The following GPR39 variants were observed in gnomAD, a reference collection of about 807,000 sequenced individuals.
GPR39 encodes the protein zinc sensing receptor.
GPR39 carries 23 observed loss-of-function variants against 18.4 expected under a neutral mutation model. The observed-to-expected ratio is 1.25, with a 90% confidence interval of 0.90 to 1.77. The LOEUF (loss-of-function observed/expected upper bound fraction) is 1.77. Ranked by LOEUF, GPR39 falls within the 40% of genes most tolerant of loss-of-function variation. GPR39 has a pLI of 0.00. For missense variants in GPR39, 647 were observed against 602.4 expected, an observed-to-expected ratio of 1.07 and a Z score of -0.78; for synonymous variants, 280 against 257.9, an observed-to-expected ratio of 1.09 and a Z score of -0.82.
chr2:132,546,187 G>C (rs1679945494), intron 1 of GPR39, among the ~76,000 whole-genome samples: 1 of 152,144 alleles, frequency 6.6e-6, no homozygotes, highest in African/African-American at 2.4e-5. Flanking sequence ...GTGTGCCTCA[G>C]AATCACTCCC....
At chr2:132,442,696 C>T (rs1342250370) in intron 1 of GPR39, among the ~76,000 whole-genome samples, 3 of 152,260 alleles carry the variant, frequency 2.0e-5, no homozygotes, top group South Asian at 4.1e-4. Flanking sequence ...CACATATCAG[C>T]GATGCAATAG....
intron 1 of GPR39, among the ~76,000 whole-genome samples, chr2:132,443,990 G>A (rs1052553018): frequency 3.3e-5 from 5 of 152,186 alleles, no homozygotes; most frequent in African/African-American, 2.4e-5. Context: ...TGGGAGGATC[G>A]CTTGAGCCTG....
chr2:132,420,083 T>G (rs4521103), intron 1 of GPR39, among the ~76,000 whole-genome samples: 30,678 of 152,034 alleles, frequency 0.2, 3,173 homozygotes, highest in Admixed American at 0.23. Flanking sequence ...AGTTTGTTCT[T>G]GCTGCTGCTC....
chr2:132,497,559 GT>G (rs2104801016), intron 1 of GPR39, among the ~76,000 whole-genome samples: 1 of 152,258 alleles, frequency 6.6e-6, no homozygotes, highest in African/African-American at 2.4e-5. Context: ...CATGCAAACA[GT>G]AAAAAGGTGA....
chr2:132,480,487 AAG>A (rs1384930378), intron 1 of GPR39, among the ~76,000 whole-genome samples: 1 of 152,190 alleles, frequency 6.6e-6, no homozygotes, highest in Non-Finnish European at 1.5e-5. Context: ...TTGGGGTTGA[AAG>A]AGAGAGAAAG....
At chr2:132,513,637 G>A (rs1160733660) in intron 1 of GPR39, among the ~76,000 whole-genome samples, 1 of 152,224 alleles carries the variant, frequency 6.6e-6, no homozygotes, top group African/African-American at 2.4e-5. Flanking sequence ...CTCCCTGGAT[G>A]GTTGGGAAAC....
chr2:132,552,379 T>G (rs915690167), intron 1 of GPR39, among the ~76,000 whole-genome samples: 1 of 152,098 alleles, frequency 6.6e-6, no homozygotes, highest in Non-Finnish European at 1.5e-5. Flanking sequence ...CCCAACTCTC[T>G]TGCTCTCACT....
chr2:132,437,419 T>C (rs751814526), intron 1 of GPR39, among the ~76,000 whole-genome samples: 1 of 152,144 alleles, frequency 6.6e-6, no homozygotes, highest in Non-Finnish European at 1.5e-5. Context: ...AGAAGAGACA[T>C]GCAGGGAGTG....
At position 132,535,682 on chromosome 2, in the gene GPR39, A is replaced by T. The variant is rs182893576; in HGVS notation, c.857-109419A>T. On this transcript the variant is annotated intron_variant, in intron 1 of 1. Coordinates refer to ENST00000329321, the MANE Select transcript of GPR39 (RefSeq NM_001508.3). ...TCTGGTAGATTTTGGCTGTGAATCC[A>T]TCTGGTCCTGGGCTTTTTTTTTTTG... Among the ~76,000 whole-genome samples, 100 of 99,628 alleles carry T rather than the reference A, an allele frequency of 1.0e-3. 3 individuals are homozygous for T. In the East Asian group the frequency reaches 0.066, roughly 66 times the overall value. The allele number at this position is 99,628 out of a possible 152,430, so 65.4% of individuals were successfully genotyped here.
intron 1 of GPR39, among the ~76,000 whole-genome samples, chr2:132,466,060 C>A (rs935726430): frequency 6.6e-6 from 1 of 152,082 alleles, no homozygotes; most frequent in Non-Finnish European, 1.5e-5. Flanking sequence ...GCCAGCCTTG[C>A]AGGCTGTGTC....
chr2:132,644,742 CAAAA>C (rs759163909), intron 1 of GPR39: 56 of 223,514 alleles, frequency 2.5e-4, no homozygotes, highest in Non-Finnish European at 3.9e-4. Context: ...TTCTTTAAAA[CAAAA>C]AAAGACAAAA....
At chr2:132,544,920 C>A (rs1423570566) in intron 1 of GPR39, among the ~76,000 whole-genome samples, 1 of 152,102 alleles carries the variant, frequency 6.6e-6, no homozygotes, top group Non-Finnish European at 1.5e-5. Flanking sequence ...AGGCACCACT[C>A]AAAGGTGGGC....
chr2:132,602,387 CA>C (rs1681058897), intron 1 of GPR39, among the ~76,000 whole-genome samples: 1 of 151,962 alleles, frequency 6.6e-6, no homozygotes. Context: ...AAAATTAATT[CA>C]AAATTGGATA....
At chr2:132,620,445 C>G (rs1681422007) in intron 1 of GPR39, among the ~76,000 whole-genome samples, 1 of 152,176 alleles carries the variant, frequency 6.6e-6, no homozygotes, top group Non-Finnish European at 1.5e-5. Context: ...TCTCAGTTTC[C>G]TGGGACTGTG....
chr2:132,540,274 G>A (rs542715346), intron 1 of GPR39, among the ~76,000 whole-genome samples: 50 of 152,270 alleles, frequency 3.3e-4, no homozygotes, highest in Admixed American at 1.8e-3. Flanking sequence ...GCTCTCCGGA[G>A]ATTTAGTTGT....
intron 1 of GPR39, among the ~76,000 whole-genome samples, chr2:132,522,733 C>T (rs1322003333): frequency 6.6e-6 from 1 of 152,182 alleles, no homozygotes; most frequent in Non-Finnish European, 1.5e-5. Flanking sequence ...TAGAAGCTGC[C>T]ATGTATTTAT....
At chr2:132,545,222 C>T (rs1679923110) in intron 1 of GPR39, among the ~76,000 whole-genome samples, 1 of 152,210 alleles carries the variant, frequency 6.6e-6, no homozygotes, top group Non-Finnish European at 1.5e-5. Flanking sequence ...TTCTGTGACT[C>T]CCTAACTTTG....
intron 1 of GPR39, among the ~76,000 whole-genome samples, chr2:132,501,694 T>C (rs893508057): frequency 5.3e-5 from 8 of 152,126 alleles, no homozygotes; most frequent in Admixed American, 5.2e-4. Flanking sequence ...CTTACTGTTA[T>C]TGTGTTGCTA....
chr2:132,435,805 A>G (rs1416995235), intron 1 of GPR39, among the ~76,000 whole-genome samples: 1 of 152,250 alleles, frequency 6.6e-6, no homozygotes, highest in African/African-American at 2.4e-5. Context: ...AAGTCCCCAT[A>G]GACATAAGAC....
Sources: allele counts gnomAD v4.1 joint callset (sites outside exome capture counted in the v4.1 genomes callset), GRCh38; gene constraint gnomAD v4.1.1; transcripts MANE v1.5; gene names NCBI Gene and HGNC (gene_info 2026-07-23, HGNC 2026-07-21).